The following SYNE1 variants were observed in gnomAD, a reference collection of about 807,000 sequenced individuals.
SYNE1 encodes nesprin-1.
Under a neutral mutation model 1,111.0 loss-of-function variants are expected in SYNE1, and 616 were observed. The observed-to-expected ratio is 0.55, with a 90% CI of 0.52 to 0.59. The LOEUF (loss-of-function observed/expected upper bound fraction) is 0.59, where lower values mean the gene tolerates loss of function less well. Ranked by LOEUF, SYNE1 falls within the 20% of genes least tolerant of loss-of-function variation. The pLI is 0.00. For synonymous variants in SYNE1, 3,855 were observed against 3,825.8 expected (o/e 1.01, Z -0.28); for missense variants, 10,006 against 10,417.0 (o/e 0.96, Z 1.72).
intron 76 of SYNE1, among the ~76,000 whole-genome samples, chr6:152,334,893 C>T (rs1322153875): frequency 2.0e-5 from 3 of 152,146 alleles, no homozygotes; most frequent in African/African-American, 2.4e-5. Context: ...ACGCCTCTGA[C>T]GGAAACCTTC....
chr6:152,188,984 A>AAAATAAAT (rs1554517206), intron 128 of SYNE1, among the ~76,000 whole-genome samples: 1 of 22,998 alleles, frequency 4.3e-5, no homozygotes, highest in Non-Finnish European at 8.1e-5. Flanking sequence ...AAAAAAAAAA[A>AAAATAAAT]ATATATATAT....
chr6:152,237,985 T>C (rs998312270), intron 108 of SYNE1, among the ~76,000 whole-genome samples: 2 of 152,146 alleles, frequency 1.3e-5, no homozygotes, highest in Admixed American at 1.3e-4. Context: ...CAAATATCTA[T>C]TGCCTGGTAT....
intron 91 of SYNE1, among the ~76,000 whole-genome samples, chr6:152,304,430 G>A (rs974791209): frequency 2.0e-5 from 3 of 152,186 alleles, no homozygotes; most frequent in African/African-American, 7.2e-5. Flanking sequence ...CATCTCCGGG[G>A]TTCAAGCCAT....
At chr6:152,239,003 T>C (rs2084895129) in intron 108 of SYNE1, among the ~76,000 whole-genome samples, 1 of 151,924 alleles carries the variant, frequency 6.6e-6, no homozygotes. Flanking sequence ...GTTCAAGTGA[T>C]TCTCCTGCCT....
intron 125 of SYNE1, among the ~76,000 whole-genome samples, chr6:152,207,314 A>AG (rs1462565243): frequency 1.1e-4 from 16 of 152,348 alleles, no homozygotes; most frequent in African/African-American, 3.6e-4. Flanking sequence ...TAAACTCACA[A>AG]GGTGGTTAGA....
intron 3 of SYNE1, among the ~76,000 whole-genome samples, chr6:152,576,644 T>A (rs2099497640): frequency 6.6e-6 from 1 of 152,296 alleles, no homozygotes; most frequent in South Asian, 2.1e-4. Context: ...CTTGTCATAT[T>A]TTCAGTCACA....
intron 3 of SYNE1, among the ~76,000 whole-genome samples, chr6:152,566,758 G>A (rs1466377862): frequency 1.3e-5 from 2 of 152,048 alleles, no homozygotes; most frequent in East Asian, 1.9e-4. Flanking sequence ...ACAAACAACC[G>A]CAGTTGTAAG....
chr6:152,365,642 T>TC (rs1207061694), intron 62 of SYNE1, among the ~76,000 whole-genome samples: 1 of 151,860 alleles, frequency 6.6e-6, no homozygotes, highest in African/African-American at 2.4e-5. Context: ...ATGTTTTTTT[T>TC]TTTTTGTAAA....
At chr6:152,133,882 C>T in intron 142 of SYNE1, 2 of 181,492 alleles carry the variant, frequency 1.1e-5, no homozygotes, top group South Asian at 1.1e-4. Context: ...CCTCTGATAT[C>T]TAGTCAAGAT....
chr6:152,264,800 A>G (rs1052599876), intron 100 of SYNE1, among the ~76,000 whole-genome samples: 3 of 152,052 alleles, frequency 2.0e-5, no homozygotes, highest in Non-Finnish European at 4.4e-5. Context: ...ACCCTGTCTC[A>G]AGAAAAATAA....
At position 152,331,512 on chromosome 6, in the gene SYNE1, G is replaced by T; in HGVS notation, c.13173C>A (p.Cys4391Ter). 1 of 1,614,134 alleles carries T rather than the reference G, an allele frequency of 6.2e-7. No homozygotes were observed. Among genetic ancestry groups the T allele is most frequent in the Non-Finnish European group, 8.5e-7 (1 of 1,180,016 alleles). The stretch of plus-strand genomic sequence containing the variant: ...GCATCTGCTTGGCCTCCAGTTCACT[G>T]CAGATGGCCAGGTGATCCATGAGAA... ...QNLLMDHLAI[C>*]SELEAKQMLL... is the part of the protein sequence containing the mutation. The change falls in exon 78 of 146, where the codon TGC becomes TGA. Residue 4391 changes from cysteine (C) to a stop codon, truncating the protein, a stop_gained. Transcript: ENST00000367255. LOFTEE classifies it high-confidence loss of function.
At position 152,151,654 on chromosome 6, in the gene SYNE1, G is replaced by C; in HGVS notation, c.24349C>G (p.Arg8117Gly). 6.2e-7 allele frequency: 1 copy of C among 1,614,074 alleles called. No homozygotes were observed. The highest frequency in any genetic ancestry group is 8.5e-7 in the Non-Finnish European group (1 of 1,180,002). ...GTGAGCCAGACCAGAATGCTGTCCC[G>C]CGCAGTCTCAAACTCCTCACGCTGG... is the stretch of plus-strand genomic sequence containing the variant. ...IGQREEFETARDSILVWLTEM... is the reference protein window; with the variant it reads ...IGQREEFETAGDSILVWLTEM... The change falls in exon 135 of 146, where the codon CGG (arginine) becomes GGG (glycine). Residue 8117 changes from arginine to glycine, a missense_variant. Around this residue, in one of 7 missense-constraint regions of SYNE1, gnomAD observed 34 missense variants for 68.3 expected, o/e 0.50. Transcript: ENST00000367255.
intron 3 of SYNE1, among the ~76,000 whole-genome samples, chr6:152,598,841 A>T (rs2099589089): frequency 6.6e-6 from 1 of 152,200 alleles, no homozygotes; most frequent in South Asian, 2.1e-4. Context: ...GTATTTTATG[A>T]TATAATTAAC....
intron 50 of SYNE1, among the ~76,000 whole-genome samples, 175 bp from the exon 51 acceptor site, chr6:152,395,846 T>C (rs1342913389): frequency 6.6e-6 from 1 of 152,182 alleles, no homozygotes; most frequent in African/African-American, 2.4e-5. Context: ...CTTATTTTAA[T>C]AACAAAGTGA....
intron 82 of SYNE1, 106 bp from the exon 83 acceptor site, chr6:152,321,992 T>A: frequency 8.0e-7 from 1 of 1,257,762 alleles, no homozygotes; most frequent in East Asian, 2.3e-5. Flanking sequence ...ACCTAGTATC[T>A]TTTTTGAAAG....
intron 12 of SYNE1, among the ~76,000 whole-genome samples, chr6:152,485,916 G>T (rs567765914): frequency 6.6e-6 from 1 of 152,128 alleles, no homozygotes; most frequent in South Asian, 2.1e-4. Context: ...CAAAACATAG[G>T]CTGGGCACGG....
chr6:152,513,352 G>T (rs1177296293), intron 6 of SYNE1, among the ~76,000 whole-genome samples: 2 of 151,292 alleles, frequency 1.3e-5, no homozygotes, highest in Admixed American at 1.3e-4. Flanking sequence ...AATCTAATCA[G>T]ATTTTTCTTT....
chr6:152,191,965 G>T (rs2072557899), intron 127 of SYNE1, among the ~76,000 whole-genome samples: 1 of 152,082 alleles, frequency 6.6e-6, no homozygotes, highest in Non-Finnish European at 1.5e-5. Flanking sequence ...TTTGTTTCAA[G>T]AAATTTTTCT....
Position 152,220,935 on chromosome 6 carries a change from C to T in SYNE1, c.21768G>A (p.Gln7256=), listed in dbSNP as rs1554226552. The T allele has an allele frequency of 1.9e-6, 3 of 1,614,154 alleles. No individual in the cohort carries two copies. Among genetic ancestry groups the T allele is most frequent in the Non-Finnish European group, 2.5e-6 (3 of 1,179,986 alleles). ...DYSKQCASTV[Q]QQEDRTNELL... is the part of the protein sequence containing the mutation. ...GCTCATTGGTTCGATCCTCCTGCTGCTGAACTGTCGAAGCACACTGTTTGG... is the reference window on the plus strand; with the variant it reads ...GCTCATTGGTTCGATCCTCCTGCTGTTGAACTGTCGAAGCACACTGTTTGG... The change falls in exon 119 of 146, where the codon CAG becomes CAA. Residue 7256 remains glutamine (Q), a synonymous_variant. Coordinates refer to ENST00000367255, the MANE Select transcript of SYNE1 (RefSeq NM_182961.4).
Sources: gnomAD v4.1 joint callset for allele counts (sites outside exome capture counted in the v4.1 genomes callset) on GRCh38, gnomAD v4.1.1 for gene constraint, gnomAD v4.1.1 regional missense constraint, MANE v1.5 for transcripts, NCBI Gene and HGNC (gene_info 2026-07-23, HGNC 2026-07-21) for gene names.